HNF4G: variants seen among roughly 807,000 people sequenced by gnomAD.
The protein encoded by HNF4G is hepatocyte nuclear factor 4-gamma.
A neutral mutation model predicts 50.9 loss-of-function variants in HNF4G; 21 were observed. The ratio of observed to expected loss-of-function variants is 0.41; its 90% confidence interval spans 0.29 to 0.59. The LOEUF is 0.59. Ranked by LOEUF, HNF4G falls within the 20% of genes least tolerant of loss-of-function variation. The pLI, the probability that HNF4G is intolerant of heterozygous loss-of-function variation, is 0.26. For synonymous variants in HNF4G, 198 were observed against 185.6 expected (o/e 1.07, Z -0.54); for missense variants, 527 against 559.4 (o/e 0.94, Z 0.58).
chr8:75,558,204 GAC>G (rs1807187015), intron 6 of HNF4G, among the ~76,000 whole-genome samples: 1 of 152,168 alleles, frequency 6.6e-6, no homozygotes, highest in East Asian at 1.9e-4. Flanking sequence ...ATAGATGTCT[GAC>G]ACAGAGAAAA....
At chr8:75,423,803 C>T (rs111935262) in intron 1 of HNF4G, among the ~76,000 whole-genome samples, 45 of 145,666 alleles carry the variant, frequency 3.1e-4, no homozygotes, top group African/African-American at 9.3e-4. Context: ...AAACTTTCTG[C>T]CAAGTTTCTT....
intron 1 of HNF4G, among the ~76,000 whole-genome samples, chr8:75,458,658 G>C (rs553324067): frequency 6.6e-6 from 1 of 152,126 alleles, no homozygotes; most frequent in Non-Finnish European, 1.5e-5. Flanking sequence ...CCTGGTACAT[G>C]TGAATTGAAT....
chr8:75,518,829 T>C (rs1337001767), intron 2 of HNF4G, among the ~76,000 whole-genome samples: 1 of 152,106 alleles, frequency 6.6e-6, no homozygotes, highest in Non-Finnish European at 1.5e-5. Flanking sequence ...ATTTTCCCCA[T>C]TGTCTTAGTG....
chr8:75,457,161 A>G (rs1336356769), intron 1 of HNF4G, among the ~76,000 whole-genome samples: 1 of 152,230 alleles, frequency 6.6e-6, no homozygotes, highest in Non-Finnish European at 1.5e-5. Context: ...TTCAGAACAG[A>G]TCCTCAGGCT....
intron 3 of HNF4G, among the ~76,000 whole-genome samples, chr8:75,548,186 T>C (rs2977936): frequency 0.38 from 58,296 of 151,788 alleles, 11,582 homozygotes; most frequent in African/African-American, 0.47. Context: ...AGTTTCACCA[T>C]GTTAGCCAGG....
At chr8:75,531,008 G>T (rs984988857) in intron 2 of HNF4G, among the ~76,000 whole-genome samples, 7 of 151,986 alleles carry the variant, frequency 4.6e-5, no homozygotes, top group African/African-American at 1.7e-4. Flanking sequence ...TGTGCAGGCT[G>T]GTCTCGAACT....
chr8:75,442,760 A>G (rs1326893131), intron 1 of HNF4G, among the ~76,000 whole-genome samples: 1 of 152,128 alleles, frequency 6.6e-6, no homozygotes, highest in East Asian at 1.9e-4. Context: ...TTGAGTTTGA[A>G]TATAGAAATT....
At chr8:75,526,636 C>G (rs1806187515) in intron 2 of HNF4G, among the ~76,000 whole-genome samples, 1 of 151,936 alleles carries the variant, frequency 6.6e-6, no homozygotes. Flanking sequence ...CAGGATTAAG[C>G]AATCCTTCCA....
chr8:75,430,963 A>G (rs943076831), intron 1 of HNF4G, among the ~76,000 whole-genome samples: 1 of 152,164 alleles, frequency 6.6e-6, no homozygotes, highest in Non-Finnish European at 1.5e-5. Context: ...AATAATATAG[A>G]TTATTAAAAA....
chr8:75,564,050 C>T lies in HNF4G; in HGVS notation c.1322C>T (p.Ala441Val), dbSNP rs1807394502. The change falls in exon 10 of 10, where the codon GCA becomes GTA. Residue 441 changes from alanine (A) to valine (V), a missense_variant. Ala to Val is a moderately conservative substitution (Grantham distance 64). This residue lies in a region of HNF4G where 308 missense variants were observed against 301.5 expected (regional missense o/e 1.02). Coordinates refer to ENST00000396423, the MANE Select transcript of HNF4G (RefSeq NM_004133.5). ...CAGTACAAAATAGCTGCAAACCAAG[C>T]ATCAGTCATTTCACACCAGCATCTC... Reference protein sequence around the residue: ...QEQYKIAANQASVISHQHLSK... With the variant: ...QEQYKIAANQVSVISHQHLSK... 1 of 1,613,484 alleles carries T rather than the reference C, an allele frequency of 6.2e-7. No individual in the cohort carries two copies. Among genetic ancestry groups the T allele is most frequent in the Admixed American group, 1.7e-5 (1 of 59,970 alleles).
upstream of HNF4G, among the ~76,000 whole-genome samples, chr8:75,535,594 G>A (rs1486869729): frequency 6.6e-6 from 1 of 151,822 alleles, no homozygotes; most frequent in Non-Finnish European, 1.5e-5. Context: ...TTTGGAGATT[G>A]ATATGTAGTG....
intron 1 of HNF4G, among the ~76,000 whole-genome samples, chr8:75,471,579 C>G (rs114408737): frequency 1.6e-4 from 24 of 152,280 alleles, no homozygotes; most frequent in African/African-American, 5.8e-4. Flanking sequence ...AATTCTCCAG[C>G]CTGTTCCATA....
intron 2 of HNF4G, among the ~76,000 whole-genome samples, chr8:75,531,842 C>T (rs1490676473): frequency 6.6e-6 from 1 of 152,000 alleles, no homozygotes; most frequent in Non-Finnish European, 1.5e-5. Context: ...TTGGTATCCA[C>T]AGGGTTACTG....
At chr8:75,494,157 C>T (rs2977914) in intron 2 of HNF4G, among the ~76,000 whole-genome samples, 3 of 151,886 alleles carry the variant, frequency 2.0e-5, no homozygotes, top group African/African-American at 7.3e-5. Context: ...AACATCAAAC[C>T]TTCCTGCAAA....
intron 1 of HNF4G, among the ~76,000 whole-genome samples, chr8:75,471,301 A>G (rs1812105894): frequency 6.6e-6 from 1 of 152,184 alleles, no homozygotes; most frequent in African/African-American, 2.4e-5. Flanking sequence ...TGACTCTTGT[A>G]GCATAATCTG....
At chr8:75,538,237 T>A (rs1806521770), upstream of HNF4G, among the ~76,000 whole-genome samples, 1 of 152,208 alleles carries the variant, frequency 6.6e-6, no homozygotes, top group Admixed American at 6.5e-5. Flanking sequence ...TAATTGCTAC[T>A]TGAAGATCTG....
chr8:75,467,958 T>C (rs984651140), intron 1 of HNF4G, among the ~76,000 whole-genome samples: 2 of 152,122 alleles, frequency 1.3e-5, no homozygotes, highest in Non-Finnish European at 2.9e-5. Context: ...ACCACTGCTG[T>C]ATGTTGTTTT....
At chr8:75,504,148 G>A (rs954291621) in intron 2 of HNF4G, among the ~76,000 whole-genome samples, 1 of 151,650 alleles carries the variant, frequency 6.6e-6, no homozygotes, top group African/African-American at 2.4e-5. Context: ...CTTGGACCAG[G>A]AGGCACAGGT....
chr8:75,515,156 G>A lies in HNF4G; in HGVS notation c.-24+24948G>A, dbSNP rs1023370895. 5.3e-4 allele frequency among the ~76,000 whole-genome samples: 80 copies of A among 152,100 alleles called. 1 individual carries two copies. Among genetic ancestry groups the A allele is most frequent in the African/African-American group, 1.9e-3 (79 of 41,414 alleles). On this transcript the variant is annotated intron_variant, in intron 2 of 10. Coordinates refer to the HNF4G transcript ENST00000354370. ...GCTAGTTAAGCACCCAGAATTCAGA[G>A]CTGTAACACCTGATTGATATTCTCA...
Sources: gnomAD v4.1 joint callset for allele counts (sites outside exome capture counted in the v4.1 genomes callset) on GRCh38, gnomAD v4.1.1 for gene constraint, gnomAD v4.1.1 regional missense constraint, MANE v1.5 for transcripts, NCBI Gene and HGNC (gene_info 2026-07-23, HGNC 2026-07-21) for gene names.